Variants in DYNC2H1 observed in about 807,000 individuals in gnomAD.
The protein encoded by DYNC2H1 is cytoplasmic dynein 2 heavy chain 1.
In DYNC2H1, 410 loss-of-function variants were observed where a neutral mutation model predicts 570.0. That is an observed-to-expected ratio of 0.72 (90% CI 0.66 to 0.78). The LOEUF (loss-of-function observed/expected upper bound fraction) is 0.78. DYNC2H1 is among the 30% of genes least tolerant of loss of function. The pLI is 0.00. For missense variants in DYNC2H1, 4,865 were observed against 5,046.4 expected (o/e 0.96, Z 1.09); for synonymous variants, 1,688 against 1,677.6 (o/e 1.01, Z -0.15).
intron 86 of DYNC2H1, among the ~76,000 whole-genome samples, chr11:103,455,684 G>T (rs1414348989): frequency 1.3e-5 from 2 of 152,078 alleles, no homozygotes; most frequent in Non-Finnish European, 2.9e-5. Flanking sequence ...CATGGCTTGT[G>T]GCTACCATTT....
intron 59 of DYNC2H1, among the ~76,000 whole-genome samples, chr11:103,227,519 G>A (rs1280894681): frequency 1.3e-5 from 2 of 152,078 alleles, no homozygotes; most frequent in Admixed American, 1.3e-4. Context: ...TTGATTTCCA[G>A]TTTTATTCCA....
At chr11:103,173,405 A>C in intron 35 of DYNC2H1, 100 bp downstream of exon 35, 2 of 813,392 alleles carry the variant, frequency 2.5e-6, no homozygotes, top group Non-Finnish European at 3.5e-6. Context: ...CACCTATTGC[A>C]TGATTTTTAT....
rs1865265673 is a variant in DYNC2H1, at chr11:103,261,161, G to A, written c.10695+1184G>A. Among the ~76,000 whole-genome samples, 1 of 152,150 alleles carries A rather than the reference G, an allele frequency of 6.6e-6. No homozygotes were observed. The highest frequency in any genetic ancestry group is 1.5e-5 in the Non-Finnish European group (1 of 68,034). On this transcript the variant is annotated intron_variant, in intron 70 of 88. Transcript: ENST00000375735. This position sits in a 1 kb window ranked among gnomAD's most constrained non-coding sequence, Gnocchi z 4.8. ...AATAAATCCTTCAGAAGCTCTCTGG[G>A]CAGGGCATCTCTGAAAGAAAGGCAA...
intron 82 of DYNC2H1, among the ~76,000 whole-genome samples, chr11:103,344,177 G>A (rs1033173514): frequency 1.1e-4 from 16 of 152,136 alleles, no homozygotes; most frequent in African/African-American, 2.9e-4. Context: ...ACATAAACAC[G>A]AAATCTTTCT....
intron 83 of DYNC2H1, among the ~76,000 whole-genome samples, chr11:103,392,850 C>G (rs560082600): frequency 6.6e-6 from 1 of 151,388 alleles, no homozygotes; most frequent in East Asian, 1.9e-4. Flanking sequence ...TTCTTCATAA[C>G]CCACCCTTCT....
rs745355739 is a variant in DYNC2H1, at chr11:103,233,830, A to ATGTG, written c.9441-159_9441-156dup. On this transcript the variant is annotated intron_variant, in intron 60 of 88. Coordinates refer to ENST00000375735, the MANE Select transcript of DYNC2H1 (RefSeq NM_001377.3). ...TTTGAGGTAGAGAATGCTACACTTT[A>ATGTG]TGTGTGTGTGTGTGTGTGTGTGTGT... is the stretch of plus-strand genomic sequence containing the variant. Among the ~76,000 whole-genome samples the ATGTG allele has an allele frequency of 8.8e-3, 668 of 75,794 alleles. 8 individuals carry two copies. Among genetic ancestry groups the ATGTG allele is most frequent in the East Asian group, 0.018 (55 of 2,994 alleles). 49.7% of individuals were successfully genotyped at this position (75,794 alleles called of 152,430 possible). A position where few individuals can be genotyped will look rare whatever the true frequency, so the allele number is the denominator to read the frequency against.
intron 77 of DYNC2H1, among the ~76,000 whole-genome samples, chr11:103,306,029 A>G (rs1278841859): frequency 1.3e-5 from 2 of 152,130 alleles, no homozygotes; most frequent in Non-Finnish European, 2.9e-5. Flanking sequence ...CTCGTGCCTC[A>G]GCCTCCCAAG....
Position 103,294,746 on chromosome 11 carries a change from A to T in DYNC2H1, c.11095+7141A>T, listed in dbSNP as rs147151270. Among the ~76,000 whole-genome samples the T allele has an allele frequency of 2.8e-4, 42 of 152,180 alleles. No homozygotes were observed. In the East Asian group the frequency reaches 5.6e-3, roughly 20 times the overall value. On this transcript the variant is annotated intron_variant, in intron 75 of 88. Transcript: ENST00000375735. ...CTGTGACCACTACTGCTTGGCTGTCACTGATGTTAATTCAAGGCCTGAGGC... is the reference window on the plus strand; with the variant it reads ...CTGTGACCACTACTGCTTGGCTGTCTCTGATGTTAATTCAAGGCCTGAGGC...
intron 12 of DYNC2H1, 123 bp from the exon 13 acceptor site, chr11:103,128,787 A>T: frequency 1.2e-6 from 1 of 855,684 alleles, no homozygotes; most frequent in Non-Finnish European, 1.7e-6. Flanking sequence ...ATTGGAGATG[A>T]AAAACCAATT....
rs1247327124 is a variant in DYNC2H1, at chr11:103,188,659, T to C, written c.7292+11T>C. The stretch of plus-strand genomic sequence containing the variant: ...TCTTTGTTCTATAGAGTATGTATCT[T>C]TGTGTTTCAGATTTTTTAATTTGGG... On this transcript the variant is annotated intron_variant, in intron 44 of 88. Transcript: ENST00000375735. 3 of 1,512,072 alleles carry C rather than the reference T, an allele frequency of 2.0e-6. No individual in the cohort carries two copies. Among genetic ancestry groups the C allele is most frequent in the Non-Finnish European group, 2.7e-6 (3 of 1,126,416 alleles). 93.7% of individuals were successfully genotyped at this position (1,512,072 alleles called of 1,614,324 possible).
At chr11:103,127,646 A>G (rs947545262) in intron 12 of DYNC2H1, among the ~76,000 whole-genome samples, 2 of 152,222 alleles carry the variant, frequency 1.3e-5, no homozygotes, top group Admixed American at 1.3e-4. Flanking sequence ...TAAATGCCTT[A>G]GACTCAGCCC....
intron 87 of DYNC2H1, among the ~76,000 whole-genome samples, chr11:103,459,743 G>C (rs1944938721): frequency 6.6e-6 from 1 of 151,460 alleles, no homozygotes; most frequent in Non-Finnish European, 1.5e-5. Flanking sequence ...ATGAGGTCAG[G>C]AGATCGAGAC....
At chr11:103,294,109 C>A (rs748070789) in intron 75 of DYNC2H1, among the ~76,000 whole-genome samples, 4 of 152,260 alleles carry the variant, frequency 2.6e-5, no homozygotes, top group East Asian at 1.9e-4. Flanking sequence ...CTGATTAATT[C>A]TCTGTGTTAT....
At chr11:103,234,261 G>A in intron 61 of DYNC2H1, 101 bp downstream of exon 61, 1 of 1,338,714 alleles carries the variant, frequency 7.5e-7, no homozygotes, top group Non-Finnish European at 1.0e-6. Flanking sequence ...CCATTAATTT[G>A]CACCTGGCTC....
rs1452590899 is a variant in DYNC2H1, at chr11:103,133,771, C to T, written c.2106+64C>T. On this transcript the variant is annotated intron_variant, in intron 14 of 88. Transcript: ENST00000375735. This position sits in a 1 kb window ranked among gnomAD's most constrained non-coding sequence, Gnocchi z 4.8. ...TATTATTTAAAAAGTCATTAAGATA[C>T]AATTTTTAAAAACTTATTTTGAAAT... 7.0e-7 allele frequency: 1 copy of T among 1,429,396 alleles called. No homozygotes were observed. 88.5% of individuals were successfully genotyped at this position (1,429,396 alleles called of 1,614,324 possible).
At chr11:103,298,332 A>G (rs1866919294) in intron 75 of DYNC2H1, among the ~76,000 whole-genome samples, 1 of 152,032 alleles carries the variant, frequency 6.6e-6, no homozygotes, top group African/African-American at 2.4e-5. Context: ...TTCTTAAGAG[A>G]GGTTTTTTTT....
chr11:103,382,430 A>T (rs1941689413), intron 83 of DYNC2H1, among the ~76,000 whole-genome samples: 2 of 152,244 alleles, frequency 1.3e-5, no homozygotes, highest in Non-Finnish European at 2.9e-5. Flanking sequence ...AAAGTTAAAT[A>T]AAATTAAGAA....
In DYNC2H1 at chr11:103,177,956, T is replaced by C. The variant is rs891259183; in HGVS notation, c.6139+136T>C. 9.6e-7 allele frequency: 1 copy of C among 1,037,660 alleles called. No homozygotes were observed. Among genetic ancestry groups the C allele is most frequent in the South Asian group, 2.0e-5 (1 of 50,478 alleles). The allele number at this position is 1,037,660 out of a possible 1,614,324, so 64.3% of individuals were successfully genotyped here. A position where few individuals can be genotyped will look rare whatever the true frequency, so the allele number is the denominator to read the frequency against. On this transcript the variant is annotated intron_variant, in intron 38 of 88. Transcript: ENST00000375735. This position sits in a 1 kb window ranked among gnomAD's most constrained non-coding sequence, Gnocchi z 4.4. ...TTAAGTTAAAATGATGTACATTTGA[T>C]ATTTTACTTTGGAGGGGGCCAAGAC...
At chr11:103,328,098 G>C (rs981241492) in intron 82 of DYNC2H1, among the ~76,000 whole-genome samples, 1 of 152,036 alleles carries the variant, frequency 6.6e-6, no homozygotes, top group Non-Finnish European at 1.5e-5. Flanking sequence ...CAAATTTATC[G>C]TAATATGATC....
Sources: gnomAD v4.1 joint callset for allele counts (sites outside exome capture counted in the v4.1 genomes callset) on GRCh38, gnomAD v4.1.1 for gene constraint, Gnocchi (gnomAD v3.1) non-coding constraint, MANE v1.5 for transcripts, NCBI Gene and HGNC (gene_info 2026-07-23, HGNC 2026-07-21) for gene names.